The following ZNF438 variants were observed in gnomAD, a reference collection of about 807,000 sequenced individuals.
ZNF438 encodes the protein zinc finger protein 438.
In ZNF438, 25 loss-of-function variants were observed where a neutral mutation model predicts 38.0. The observed-to-expected ratio is 0.66, with a 90% CI of 0.48 to 0.92. The LOEUF (loss-of-function observed/expected upper bound fraction) is 0.92. Among genes scored for constraint, ZNF438 ranks in the 40% least tolerant of loss-of-function variants. ZNF438 has a pLI of 0.00. For missense variants in ZNF438, 1,007 were observed against 999.6 expected, an observed-to-expected ratio of 1.01 and a Z score of -0.10; for synonymous variants, 372 against 364.1, an observed-to-expected ratio of 1.02 and a Z score of -0.25.
intron 1 of ZNF438, among the ~76,000 whole-genome samples, chr10:30,950,597 C>A (rs1330780656): frequency 2.0e-5 from 3 of 151,034 alleles, no homozygotes; most frequent in Admixed American, 6.6e-5. Context: ...ATACAAACTA[C>A]CATCAGAGAA....
chr10:30,961,241 TA>T (rs146989914), intron 1 of ZNF438, among the ~76,000 whole-genome samples: 83,397 of 134,278 alleles, frequency 0.62, 28,407 homozygotes, highest in Non-Finnish European at 0.66. Flanking sequence ...GTATAATAAA[TA>T]AAAAAAAAAA....
Position 30,957,922 on chromosome 10 carries a change from G to A in ZNF438, c.-191-16271C>T, listed in dbSNP as rs2049043342. On this transcript the variant is annotated intron_variant, in intron 1 of 5. Transcript: ENST00000413025. ...AGGTGTTCTATTCCATTATGATTTG[G>A]TCTTGGTAGGCTGTATGACCTTTGA... is the stretch of plus-strand genomic sequence containing the variant. Among the ~76,000 whole-genome samples, 2 of 126,332 alleles carry A rather than the reference G, an allele frequency of 1.6e-5. 1 individual carries two copies. Among genetic ancestry groups the A allele is most frequent in the South Asian group, 4.9e-4 (2 of 4,062 alleles). The allele number at this position is 126,332 out of a possible 152,430, so 82.9% of individuals were successfully genotyped here.
At chr10:30,870,401 C>T (rs1257004179) in intron 4 of ZNF438, among the ~76,000 whole-genome samples, 2 of 148,302 alleles carry the variant, frequency 1.3e-5, no homozygotes, top group Non-Finnish European at 3.0e-5. Context: ...AACACGCATC[C>T]TTTTTACATT....
rs574963145 is a variant in ZNF438 at position 30,928,561 on chromosome 10, C to CA, written c.-115+13013dup. Among the ~76,000 whole-genome samples, 453 of 109,432 alleles carry CA rather than the reference C, an allele frequency of 4.1e-3. 3 individuals carry two copies. Among genetic ancestry groups the CA allele is most frequent in the Admixed American group, 7.5e-3 (80 of 10,670 alleles). 71.8% of individuals were successfully genotyped at this position (109,432 alleles called of 152,430 possible). ...GTCACTTCAAATCACAACGTTTGGA[C>CA]AAAAAAAAAAAAAGCAAACATTCTG... On this transcript the variant is annotated intron_variant, in intron 2 of 5. Coordinates refer to ENST00000413025, the Ensembl canonical transcript of ZNF438.
At chr10:30,962,124 T>C (rs1316045659) in intron 1 of ZNF438, among the ~76,000 whole-genome samples, 1 of 146,776 alleles carries the variant, frequency 6.8e-6, no homozygotes, top group East Asian at 1.9e-4. Flanking sequence ...AAAGGTAACT[T>C]CTGTTATGCT....
chr10:31,023,950 G>C (rs1488099221), intron 1 of ZNF438, among the ~76,000 whole-genome samples: 3 of 152,210 alleles, frequency 2.0e-5, no homozygotes, highest in Non-Finnish European at 2.9e-5. Flanking sequence ...ACTGTCTTCT[G>C]CAAGCACGGT....
At chr10:30,877,286 T>C (rs928764304) in intron 3 of ZNF438, among the ~76,000 whole-genome samples, 1 of 152,216 alleles carries the variant, frequency 6.6e-6, no homozygotes, top group African/African-American at 2.4e-5. Flanking sequence ...TAGAGACAGA[T>C]GCAATGACAC....
At chr10:31,007,504 T>G (rs1472385149) in intron 1 of ZNF438, among the ~76,000 whole-genome samples, 1 of 152,076 alleles carries the variant, frequency 6.6e-6, no homozygotes, top group Non-Finnish European at 1.5e-5. Context: ...CTGGTCTCCA[T>G]CTCCTGACCT....
At chr10:30,864,023 G>A (rs1029687822) in intron 4 of ZNF438, among the ~76,000 whole-genome samples, 1 of 152,100 alleles carries the variant, frequency 6.6e-6, no homozygotes, top group South Asian at 2.1e-4. Context: ...CTCTCCCTCT[G>A]TCCCACCCCT....
chr10:30,920,506 G>C (rs989511435), intron 2 of ZNF438: 1 of 152,118 alleles, frequency 6.6e-6, no homozygotes, highest in Non-Finnish European at 1.5e-5. Context: ...TCCTCTTCTT[G>C]AGAGGTAGCT....
chr10:30,930,851 T>TAAAAAAAA (rs5784228), intron 2 of ZNF438, among the ~76,000 whole-genome samples: 1 of 129,182 alleles, frequency 7.7e-6, no homozygotes, highest in African/African-American at 3.0e-5. Flanking sequence ...GGTTCTTTCC[T>TAAAAAAAA]AAAACCAGAA....
chr10:30,887,750 C>T (rs965267310), intron 3 of ZNF438, among the ~76,000 whole-genome samples: 1 of 152,142 alleles, frequency 6.6e-6, no homozygotes, highest in African/African-American at 2.4e-5. Flanking sequence ...AAAACAAACC[C>T]AAGTACATTT....
At chr10:30,870,098 TA>T (rs1306621814) in intron 4 of ZNF438, among the ~76,000 whole-genome samples, 13 of 152,342 alleles carry the variant, frequency 8.5e-5, no homozygotes, top group African/African-American at 2.6e-4. Flanking sequence ...AAAAACGTCA[TA>T]AAAAATAGCT....
chr10:30,967,422 A>G (rs1302754816), intron 1 of ZNF438, among the ~76,000 whole-genome samples: 1 of 152,218 alleles, frequency 6.6e-6, no homozygotes, highest in Non-Finnish European at 1.5e-5. Flanking sequence ...ACTGATAAGT[A>G]GGCTAAAAGT....
chr10:31,031,947 C>G, upstream of ZNF438: 1 of 152,290 alleles, frequency 6.6e-6, no homozygotes, highest in East Asian at 1.9e-4. Context: ...TCGCCCCGCC[C>G]CGGCGCCGCG....
At chr10:30,882,697 G>C (rs3006593) in intron 3 of ZNF438, among the ~76,000 whole-genome samples, 41,132 of 152,032 alleles carry the variant, frequency 0.27, 6,654 homozygotes, top group Middle Eastern at 0.38. Context: ...GAGAAGGTTG[G>C]GGGGACAGAC....
chr10:30,845,097 A>G lies in ZNF438; in HGVS notation c.2351T>C (p.Met784Thr), dbSNP rs1429594979. 5.6e-6 allele frequency: 9 copies of G among 1,614,098 alleles called. No homozygotes were observed. In the East Asian group the frequency reaches 8.9e-5, roughly 16 times the overall value. ...GAGGAGGTCCTCTTTCCGTCCCAGCATCTCTGCACAAAGCAGGCAGTTAAA... is the reference window on the plus strand; with the variant it reads ...GAGGAGGTCCTCTTTCCGTCCCAGCGTCTCTGCACAAAGCAGGCAGTTAAA... Residue 784 changes from methionine (M) to threonine (T), a missense_variant, in exon 6 of 6, where the codon ATG (methionine) becomes ACG (threonine). Met to Thr is a moderately conservative substitution (Grantham distance 81, BLOSUM62 -1). Coordinates refer to ENST00000413025, the Ensembl canonical transcript of ZNF438.
At chr10:30,946,130 G>T (rs1464052662) in intron 1 of ZNF438, among the ~76,000 whole-genome samples, 2 of 151,576 alleles carry the variant, frequency 1.3e-5, no homozygotes, top group African/African-American at 4.9e-5. Context: ...TTGTGGTTTT[G>T]ATTTGCATTT....
At chr10:30,913,335 C>T (rs2043268024) in intron 2 of ZNF438, among the ~76,000 whole-genome samples, 1 of 152,012 alleles carries the variant, frequency 6.6e-6, no homozygotes, top group Admixed American at 6.6e-5. Flanking sequence ...GCCCATTCTC[C>T]ACTTGGCTTG....
Sources: allele counts gnomAD v4.1 joint callset (sites outside exome capture counted in the v4.1 genomes callset), GRCh38; gene constraint gnomAD v4.1.1; transcripts MANE v1.5; gene names NCBI Gene and HGNC (gene_info 2026-07-23, HGNC 2026-07-21).